The following DNAH7 variants were observed in gnomAD, a reference collection of about 807,000 sequenced individuals.
DNAH7 encodes the protein axonemal beta dynein heavy chain 7.
A neutral mutation model predicts 444.6 loss-of-function variants in DNAH7; 397 were observed. The observed-to-expected ratio is 0.89, with a 90% CI of 0.82 to 0.97. The LOEUF is 0.97. Ranked by LOEUF, DNAH7 falls within the 50% of genes least tolerant of loss-of-function variation. The pLI is 0.00. For synonymous variants in DNAH7, 1,636 were observed against 1,624.4 expected, an observed-to-expected ratio of 1.01 and a Z score of -0.17; for missense variants, 4,902 against 4,800.8, an observed-to-expected ratio of 1.02 and a Z score of -0.62.
chr2:195,966,266 ATTC>A (rs1691469601), intron 17 of DNAH7, among the ~76,000 whole-genome samples: 1 of 152,058 alleles, frequency 6.6e-6, no homozygotes, highest in Non-Finnish European at 1.5e-5. Flanking sequence ...AGTTTCCAAA[ATTC>A]TTGTTATTAA....
In DNAH7 at chr2:195,864,552, G is replaced by A. The variant is rs1220028182; in HGVS notation, c.7103C>T (p.Ser2368Phe). The change falls in exon 41 of 65, where the codon TCT (serine) becomes TTT (phenylalanine). Residue 2368 changes from serine to phenylalanine, a missense_variant. Ser to Phe is a radical substitution (Grantham distance 155). Transcript: ENST00000312428. ...ADYSVFQVEI[S>F]KGYDTTEWHE... Reference sequence around the variant, plus strand: ...CCATTCAGTAGTATCATACCCCTTAGAGATTTCAACTTGGAAAACTGAATA... The same window carrying A: ...CCATTCAGTAGTATCATACCCCTTAAAGATTTCAACTTGGAAAACTGAATA... 2 of 1,613,964 alleles carry A rather than the reference G, an allele frequency of 1.2e-6. No individual in the cohort carries two copies. Among genetic ancestry groups the A allele is most frequent in the Non-Finnish European group, 8.5e-7 (1 of 1,180,030 alleles).
At chr2:195,756,839 A>G (rs1156387177) in intron 61 of DNAH7, among the ~76,000 whole-genome samples, 1 of 152,080 alleles carries the variant, frequency 6.6e-6, no homozygotes, top group African/African-American at 2.4e-5. Flanking sequence ...AACAAATACA[A>G]AAATTCGCTG....
At chr2:196,016,313 A>T (rs1192465038) in intron 9 of DNAH7, among the ~76,000 whole-genome samples, 1 of 152,210 alleles carries the variant, frequency 6.6e-6, no homozygotes, top group African/African-American at 2.4e-5. Context: ...TGTGAAAGTA[A>T]TATACTATAT....
Position 195,933,463 on chromosome 2 carries a change from A to G in DNAH7, c.3471+1128T>C, listed in dbSNP as rs542445899. On this transcript the variant is annotated intron_variant, in intron 21 of 64. Coordinates refer to ENST00000312428, the MANE Select transcript of DNAH7 (RefSeq NM_018897.3). ...ACATATGCACATGTATGTTTATTGC[A>G]GCACTATTCACAATAGCAAAGACTT... Among the ~76,000 whole-genome samples, 228 of 152,278 alleles carry G rather than the reference A, an allele frequency of 1.5e-3. 1 individual carries two copies. The highest frequency in any genetic ancestry group is 5.0e-3 in the African/African-American group (207 of 41,556).
chr2:195,876,153 T>A (rs1701040981), intron 37 of DNAH7, among the ~76,000 whole-genome samples: 1 of 152,176 alleles, frequency 6.6e-6, no homozygotes, highest in Non-Finnish European at 1.5e-5. Context: ...CTTCAATTCA[T>A]GAAAATAGAT....
In DNAH7 at chr2:195,821,010, C is replaced by T. The variant is rs149747722; in HGVS notation, c.9292-3181G>A. ...TGTTGTCTGCATGCAGAATCAGCCC[C>T]GCACCAGGCCAATGCCTAAGCAACT... On this transcript the variant is annotated intron_variant, in intron 49 of 64. Transcript: ENST00000312428. Among the ~76,000 whole-genome samples the T allele has an allele frequency of 4.9e-3, 740 of 152,270 alleles. 10 individuals carry two copies. The highest frequency in any genetic ancestry group is 0.017 in the African/African-American group (688 of 41,572).
At chr2:195,817,031 T>C in intron 50 of DNAH7, 68 bp from the exon 51 acceptor site, 2 of 1,193,556 alleles carry the variant, frequency 1.7e-6, no homozygotes, top group South Asian at 3.3e-5. Context: ...TATATGTTCT[T>C]TTATAAGAAA....
intron 21 of DNAH7, among the ~76,000 whole-genome samples, chr2:195,929,970 G>T (rs1028941670): frequency 2.6e-5 from 4 of 152,204 alleles, no homozygotes; most frequent in African/African-American, 4.8e-5. Flanking sequence ...CACAAACTAT[G>T]TATCTGACCA....
chr2:196,064,348 T>TAAATAAATA (rs377755167), intron 1 of DNAH7, among the ~76,000 whole-genome samples: 96 of 34,018 alleles, frequency 2.8e-3, no homozygotes, highest in African/African-American at 4.8e-3. Context: ...AATAAATAAA[T>TAAATAAATA]AATAAATAAT....
At chr2:195,875,573 A>G in intron 38 of DNAH7, 102 bp downstream of exon 38, 4 of 1,115,562 alleles carry the variant, frequency 3.6e-6, no homozygotes, top group Non-Finnish European at 5.1e-6. Context: ...AAACATATAC[A>G]CAAAACACTG....
At chr2:196,062,097 G>T (rs1321160932) in intron 1 of DNAH7, among the ~76,000 whole-genome samples, 1 of 152,178 alleles carries the variant, frequency 6.6e-6, no homozygotes, top group Non-Finnish European at 1.5e-5. Context: ...GGCAGCTCTT[G>T]TGAAATCTTG....
chr2:195,778,468 T>G (rs1351327949), intron 58 of DNAH7, among the ~76,000 whole-genome samples: 1 of 143,818 alleles, frequency 7.0e-6, no homozygotes, highest in Admixed American at 7.2e-5. Flanking sequence ...GGAGACCCTG[T>G]CCCTACCAAA....
At chr2:196,006,092 T>A (rs748176419) in intron 10 of DNAH7, among the ~76,000 whole-genome samples, 2 of 152,128 alleles carry the variant, frequency 1.3e-5, no homozygotes, top group Non-Finnish European at 2.9e-5. Flanking sequence ...GTCAGGAGGA[T>A]TGCTTGAGTC....
At position 195,794,378 on chromosome 2, in the gene DNAH7, G is replaced by A. The variant is rs886640931; in HGVS notation, c.10676C>T (p.Pro3559Leu). 14 of 1,614,068 alleles carry A rather than the reference G, an allele frequency of 8.7e-6. No individual in the cohort carries two copies. The highest frequency in any genetic ancestry group is 2.7e-5 in the African/African-American group (2 of 75,024). ...GCCAAAGAACTCCGGATCAGAGATC[G>A]GGTCCATGAGGTATGATCGAATGAT... Reference protein sequence around the residue: ...ANIIRSYLMDPISDPEFFGSC... With the variant: ...ANIIRSYLMDLISDPEFFGSC... The change falls in exon 57 of 65, where the codon CCG becomes CTG. Residue 3559 changes from proline to leucine, a missense_variant. Pro to Leu is a moderately conservative substitution (Grantham distance 98). Coordinates refer to ENST00000312428, the MANE Select transcript of DNAH7 (RefSeq NM_018897.3).
chr2:195,844,796 C>T (rs559267291), intron 47 of DNAH7, among the ~76,000 whole-genome samples: 1 of 152,254 alleles, frequency 6.6e-6, no homozygotes, highest in African/African-American at 2.4e-5. Context: ...TACAAGTCAT[C>T]TGGTTCATTT....
At chr2:195,817,528 C>T (rs893010779) in intron 50 of DNAH7, among the ~76,000 whole-genome samples, 168 bp downstream of exon 50, 2 of 152,160 alleles carry the variant, frequency 1.3e-5, no homozygotes, top group Non-Finnish European at 2.9e-5. Flanking sequence ...TACTCAGTAA[C>T]GCAGTTTTCT....
At chr2:195,825,645 G>T (rs934276199) in intron 48 of DNAH7, among the ~76,000 whole-genome samples, 1 of 152,184 alleles carries the variant, frequency 6.6e-6, no homozygotes, top group Admixed American at 6.5e-5. Flanking sequence ...CTGGATCAAA[G>T]ATCAGTGACA....
intron 2 of DNAH7, among the ~76,000 whole-genome samples, chr2:196,051,957 A>G (rs1697500788): frequency 6.6e-6 from 1 of 152,106 alleles, no homozygotes; most frequent in Admixed American, 6.5e-5. Flanking sequence ...ACTGGAGGCC[A>G]CCCTAGTCTG....
rs370665794 is a variant in DNAH7 at position 195,872,363 on chromosome 2, A to G, written c.6520T>C (p.Ser2174Pro). ...TCACGGAGGTTGAACAAGTAGTGAGATTTAGCTGGAGTAGGCAAGAGATTC... is the reference window on the plus strand; with the variant it reads ...TCACGGAGGTTGAACAAGTAGTGAGGTTTAGCTGGAGTAGGCAAGAGATTC... The part of the protein sequence containing the change: ...MKNLLPTPAK[S>P]HYLFNLRDFS... Residue 2174 changes from serine (S) to proline (P), a missense_variant, in exon 40 of 65, where the codon TCT becomes CCT. Transcript: ENST00000312428. The G allele has an allele frequency of 1.1e-5, 17 of 1,613,838 alleles. No homozygotes were observed. Among genetic ancestry groups the G allele is most frequent in the Non-Finnish European group, 1.4e-5 (16 of 1,179,900 alleles).
Sources: gnomAD v4.1 joint callset for allele counts (sites outside exome capture counted in the v4.1 genomes callset) on GRCh38, gnomAD v4.1.1 for gene constraint, MANE v1.5 for transcripts, NCBI Gene and HGNC (gene_info 2026-07-23, HGNC 2026-07-21) for gene names.